Variants in SYNE1 observed in about 807,000 individuals in gnomAD.
The protein encoded by SYNE1 is spectrin repeat containing nuclear envelope protein 1, also known as nesprin-1.
A neutral mutation model predicts 1,111.0 loss-of-function variants in SYNE1; 616 were observed. The ratio of observed to expected loss-of-function variants is 0.55; its 90% CI spans 0.52 to 0.59. SYNE1 has a LOEUF of 0.59. Among genes scored for constraint, SYNE1 ranks in the 20% least tolerant of loss-of-function variants. The pLI is 0.00. For missense variants in SYNE1, 10,006 were observed against 10,417.0 expected (o/e 0.96, Z 1.72); for synonymous variants, 3,855 against 3,825.8 (o/e 1.01, Z -0.28).
intron 14 of SYNE1, among the ~76,000 whole-genome samples, chr6:152,476,443 A>G (rs1444041967): frequency 2.0e-5 from 3 of 152,258 alleles, no homozygotes; most frequent in East Asian, 3.9e-4. Flanking sequence ...ATTTCTCACC[A>G]TCTCTACAGC....
intron 100 of SYNE1, among the ~76,000 whole-genome samples, chr6:152,265,693 C>T (rs1450156805): frequency 6.6e-6 from 1 of 152,052 alleles, no homozygotes; most frequent in Admixed American, 6.6e-5. Flanking sequence ...CCTTTTGTTC[C>T]CCATGAAAAT....
At chr6:152,477,281 T>C (rs1289549048) in intron 14 of SYNE1, among the ~76,000 whole-genome samples, 1 of 151,158 alleles carries the variant, frequency 6.6e-6, no homozygotes, top group African/African-American at 2.4e-5. Context: ...TGATGATAAA[T>C]GCTAAAGAGA....
In SYNE1 at chr6:152,267,507, T is replaced by C. The variant is rs2092821141; in HGVS notation, c.18815+549A>G. ...AACTCAGACCTGCCTCAAAATATAG[T>C]GGTGCTTCCACACTGCTGCAATTCC... On this transcript the variant is annotated intron_variant, in intron 100 of 145. Transcript: ENST00000367255. Among the ~76,000 whole-genome samples, 4 of 152,310 alleles carry C rather than the reference T, an allele frequency of 2.6e-5. No homozygotes were observed. The South Asian group carries it at 8.3e-4, about 32-fold the overall frequency.
chr6:152,378,942 A>AT (rs956503110), intron 56 of SYNE1, among the ~76,000 whole-genome samples: 3 of 152,190 alleles, frequency 2.0e-5, no homozygotes, highest in African/African-American at 7.2e-5. Context: ...AGTCTAAGAC[A>AT]TTTTTATTTA....
intron 3 of SYNE1, among the ~76,000 whole-genome samples, chr6:152,606,652 T>C: frequency 8.1e-6 from 1 of 124,212 alleles, no homozygotes; most frequent in Admixed American, 7.6e-5. Flanking sequence ...TTTTTGTTTG[T>C]TTGTTTGTTT....
chr6:152,154,983 T>C lies in SYNE1; in HGVS notation c.24038A>G (p.Asp8013Gly), dbSNP rs766207775. 59 of 1,614,078 alleles carry C rather than the reference T, an allele frequency of 3.7e-5. No individual in the cohort carries two copies. The highest frequency in any genetic ancestry group is 4.7e-5 in the Non-Finnish European group (56 of 1,180,030). ...KFLDDYSRFE[D>G]WLKSSERTAA... ...TGTCCTTTCTGAAGACTTCAGCCAA[T>C]CTTCAAAACGTGAATAGTCATCCAG... is the stretch of plus-strand genomic sequence containing the variant. Residue 8013 changes from aspartate to glycine, a missense_variant, in exon 133 of 146, where the codon GAT (aspartate) becomes GGT (glycine). Asp to Gly is a moderately conservative substitution (Grantham distance 94). This residue lies in a region of SYNE1 where 2,182 missense variants were observed against 2,287.8 expected (regional missense o/e 0.95). Transcript: ENST00000367255.
At chr6:152,206,408 G>A (rs756549019) in intron 125 of SYNE1, 46 bp from the exon 126 acceptor site, 32 of 1,604,844 alleles carry the variant, frequency 2.0e-5, no homozygotes, top group Non-Finnish European at 2.4e-5. Flanking sequence ...TTCTTTCATC[G>A]TTTCCTTCCC....
intron 3 of SYNE1, among the ~76,000 whole-genome samples, chr6:152,557,301 A>G (rs180924544): frequency 3.3e-5 from 5 of 152,272 alleles, no homozygotes; most frequent in Admixed American, 2.6e-4. Context: ...GGGAGAAGAA[A>G]GCCTATGGAA....
intron 4 of SYNE1, among the ~76,000 whole-genome samples, chr6:152,535,642 C>T (rs1329576862): frequency 1.3e-5 from 2 of 152,034 alleles, no homozygotes; most frequent in Non-Finnish European, 2.9e-5. Flanking sequence ...ATATTCCATT[C>T]TATTTGATAA....
At position 152,234,784 on chromosome 6, in the gene SYNE1, C is replaced by T; in HGVS notation, c.20413G>A (p.Ala6805Thr). 6.2e-7 allele frequency: 1 copy of T among 1,614,156 alleles called. No individual in the cohort carries two copies. The change falls in exon 111 of 146, where the codon GCA (alanine) becomes ACA (threonine). Residue 6805 changes from alanine (A) to threonine (T), a missense_variant. Physicochemically the swap from Ala to Thr is moderately conservative, Grantham distance 58 (BLOSUM62 0). Coordinates refer to ENST00000367255, the MANE Select transcript of SYNE1 (RefSeq NM_182961.4). ...GATTGTAACCAGTGAATTAGATCTG[C>T]AGATTCACTTTGATATCTGTTAAGT... ...KHWTRYQSES[A>T]DLIHWLQSAK...
chr6:152,359,597 C>T, intron 64 of SYNE1, 139 bp from the exon 65 acceptor site: 1 of 1,035,676 alleles, frequency 9.7e-7, no homozygotes, highest in African/African-American at 1.6e-5. Flanking sequence ...ATCATTTTAT[C>T]TATTTGACAC....
At chr6:152,566,614 T>G (rs1403437329) in intron 3 of SYNE1, among the ~76,000 whole-genome samples, 1 of 152,136 alleles carries the variant, frequency 6.6e-6, no homozygotes, top group African/African-American at 2.4e-5. Flanking sequence ...AGGATAAGGC[T>G]TAGTGGGATT....
intron 130 of SYNE1, among the ~76,000 whole-genome samples, chr6:152,166,720 G>A (rs556341282): frequency 3.3e-5 from 5 of 152,270 alleles, no homozygotes; most frequent in South Asian, 2.1e-4. Flanking sequence ...TAGTAAAGTC[G>A]ACGGGGGTGA....
chr6:152,468,232 C>T (rs531694573), intron 16 of SYNE1, among the ~76,000 whole-genome samples: 190 of 152,100 alleles, frequency 1.2e-3, no homozygotes, highest in South Asian at 3.3e-3. Context: ...CCAGATTATT[C>T]GAGATATTTA....
chr6:152,551,009 C>T (rs1429988348), intron 3 of SYNE1, among the ~76,000 whole-genome samples: 1 of 152,130 alleles, frequency 6.6e-6, no homozygotes, highest in Non-Finnish European at 1.5e-5. Flanking sequence ...TATTGTGGCA[C>T]TTCAAACCTT....
intron 3 of SYNE1, among the ~76,000 whole-genome samples, chr6:152,614,874 T>C (rs2099641495): frequency 6.6e-6 from 1 of 151,986 alleles, no homozygotes; most frequent in African/African-American, 2.4e-5. Flanking sequence ...CAGCAAACTA[T>C]CACAAAGACA....
At chr6:152,593,036 C>A (rs1008162883) in intron 3 of SYNE1, among the ~76,000 whole-genome samples, 1 of 152,166 alleles carries the variant, frequency 6.6e-6, no homozygotes, top group Non-Finnish European at 1.5e-5. Context: ...AATGTATGTA[C>A]AACTCATTTA....
At position 152,409,333 on chromosome 6, in the gene SYNE1, TTAGTGA is replaced by T. The variant is rs1371143808; in HGVS notation, c.6382-113_6382-108del. On this transcript the variant is annotated intron_variant, in intron 43 of 145. Transcript: ENST00000367255. ...ATTCATAATTGACCTTATGCAGAAA[TTAGTGA>T]TAGTGAGATTAATTAACTATATGAA... is the stretch of plus-strand genomic sequence containing the variant. 4.9e-5 allele frequency: 59 copies of T among 1,192,556 alleles called. No homozygotes were observed. In the Middle Eastern group the frequency reaches 8.4e-4, roughly 17 times the overall value. 73.9% of individuals were successfully genotyped at this position (1,192,556 alleles called of 1,614,324 possible).
chr6:152,572,338 A>G (rs2099465972), intron 3 of SYNE1, among the ~76,000 whole-genome samples: 1 of 152,228 alleles, frequency 6.6e-6, no homozygotes, highest in Admixed American at 6.5e-5. Context: ...TCCATTAATT[A>G]CATGTATCCA....
Sources: allele counts gnomAD v4.1 joint callset (sites outside exome capture counted in the v4.1 genomes callset), GRCh38; gene constraint gnomAD v4.1.1; regional missense constraint gnomAD v4.1.1; transcripts MANE v1.5; gene names NCBI Gene and HGNC (gene_info 2026-07-23, HGNC 2026-07-21).